SOS2: variants seen among roughly 807,000 people sequenced by gnomAD.
The protein encoded by SOS2 is SOS Ras/Rho guanine nucleotide exchange factor 2, also known as son of sevenless homolog 2.
SOS2 carries 65 observed loss-of-function variants against 148.2 expected under a neutral mutation model. The observed-to-expected ratio is 0.44, with a 90% CI of 0.36 to 0.54. SOS2 has a LOEUF of 0.54. Among genes scored for constraint, SOS2 ranks in the 20% least tolerant of loss-of-function variants. The pLI is 0.00. For synonymous variants in SOS2, 539 were observed against 537.1 expected, an observed-to-expected ratio of 1.00 and a Z score of -0.05; for missense variants, 1,341 against 1,590.2, an observed-to-expected ratio of 0.84 and a Z score of 2.67.
At position 50,201,532 on chromosome 14, in the gene SOS2, G is replaced by GA. The variant is rs11342999; in HGVS notation, c.214-449dup. ...CTGGGTGAGAGGGAGACCCCCAACA[G>GA]AAAAAAAAAAAAAAAAAAAGGTCAA... On this transcript the variant is annotated intron_variant, in intron 2 of 22. Coordinates refer to ENST00000216373, the MANE Select transcript of SOS2 (RefSeq NM_006939.4). Among the ~76,000 whole-genome samples, 162 of 90,548 alleles carry GA rather than the reference G, an allele frequency of 1.8e-3. 2 individuals are homozygous for GA. Among genetic ancestry groups the GA allele is most frequent in the Middle Eastern group, 5.1e-3 (1 of 196 alleles). The allele number at this position is 90,548 out of a possible 152,430, so 59.4% of individuals were successfully genotyped here.
chr14:50,124,344 G>C (rs998769696), intron 21 of SOS2, among the ~76,000 whole-genome samples: 4 of 152,202 alleles, frequency 2.6e-5, no homozygotes, highest in Non-Finnish European at 5.9e-5. Context: ...AGACGAGACA[G>C]TAGGATGAAT....
chr14:50,161,382 A>T, intron 9 of SOS2, 100 bp downstream of exon 9: 1 of 895,898 alleles, frequency 1.1e-6, no homozygotes, highest in Non-Finnish European at 1.7e-6. Context: ...ACAACTTTCA[A>T]TAATGTAACT....
At chr14:50,225,769 A>G (rs1366696529) in intron 1 of SOS2, among the ~76,000 whole-genome samples, 3 of 152,212 alleles carry the variant, frequency 2.0e-5, no homozygotes, top group Non-Finnish European at 4.4e-5. Flanking sequence ...TAATCTTTTC[A>G]AAAAGCAATT....
chr14:50,224,110 C>A (rs1026128955), intron 1 of SOS2, among the ~76,000 whole-genome samples: 3 of 151,394 alleles, frequency 2.0e-5, no homozygotes, highest in African/African-American at 7.3e-5. Flanking sequence ...TGGTGAAACC[C>A]CATTTCTACT....
intron 1 of SOS2, among the ~76,000 whole-genome samples, chr14:50,216,005 T>C (rs991484938): frequency 6.6e-6 from 1 of 152,210 alleles, no homozygotes; most frequent in African/African-American, 2.4e-5. Flanking sequence ...AAATTCTTCA[T>C]TGTGCTGCCA....
chr14:50,175,937 G>A (rs1267863631), intron 7 of SOS2, among the ~76,000 whole-genome samples: 3 of 152,112 alleles, frequency 2.0e-5, no homozygotes, highest in South Asian at 4.1e-4. Flanking sequence ...TACACAAAAA[G>A]TGCCACCAAT....
At chr14:50,176,123 G>T (rs1885515250) in intron 7 of SOS2, among the ~76,000 whole-genome samples, 2 of 152,198 alleles carry the variant, frequency 1.3e-5, no homozygotes. Context: ...CCTTATAAAA[G>T]GGGCCTAAGG....
chr14:50,122,023 AT>A (rs1883530415), intron 21 of SOS2, among the ~76,000 whole-genome samples: 1 of 152,102 alleles, frequency 6.6e-6, no homozygotes, highest in Non-Finnish European at 1.5e-5. Context: ...GCAAGTAGCC[AT>A]TTTTTTAGGG....
At chr14:50,194,571 T>A (rs973023681) in intron 4 of SOS2, among the ~76,000 whole-genome samples, 1 of 148,666 alleles carries the variant, frequency 6.7e-6, no homozygotes, top group Admixed American at 6.8e-5. Context: ...AGGTCAGGAG[T>A]TTGAGACCCA....
intron 4 of SOS2, among the ~76,000 whole-genome samples, chr14:50,197,345 A>G (rs1001150941): frequency 6.6e-6 from 1 of 152,218 alleles, no homozygotes; most frequent in Non-Finnish European, 1.5e-5. Context: ...ATAACTCCTT[A>G]ATCAAGTCAT....
At chr14:50,221,408 C>T (rs976901204) in intron 1 of SOS2, among the ~76,000 whole-genome samples, 4 of 152,198 alleles carry the variant, frequency 2.6e-5, no homozygotes, top group Admixed American at 1.3e-4. Flanking sequence ...TGCCTGCACA[C>T]AGTGAGTAAA....
intron 1 of SOS2, among the ~76,000 whole-genome samples, chr14:50,219,637 A>G (rs1356299995): frequency 6.6e-6 from 1 of 152,192 alleles, no homozygotes; most frequent in Non-Finnish European, 1.5e-5. Context: ...AACTTATCAC[A>G]TTGTTGAAAA....
chr14:50,147,943 A>C (rs914792027), intron 14 of SOS2, among the ~76,000 whole-genome samples: 1 of 152,164 alleles, frequency 6.6e-6, no homozygotes, highest in Admixed American at 6.5e-5. Flanking sequence ...CAACACAGTG[A>C]GACCCTATCT....
At chr14:50,216,587 C>T (rs1448622385) in intron 1 of SOS2, among the ~76,000 whole-genome samples, 2 of 151,532 alleles carry the variant, frequency 1.3e-5, no homozygotes, top group Non-Finnish European at 2.9e-5. Context: ...GGTGAAACCC[C>T]GTCTGTACTA....
chr14:50,166,055 C>T (rs867326087), intron 8 of SOS2, among the ~76,000 whole-genome samples: 4 of 152,248 alleles, frequency 2.6e-5, no homozygotes, highest in Admixed American at 1.3e-4. Flanking sequence ...ATCTGATGAC[C>T]ACTGAGTTGA....
chr14:50,200,048 T>C (rs938888773), intron 3 of SOS2, among the ~76,000 whole-genome samples, 193 bp from the exon 4 acceptor site: 4 of 152,166 alleles, frequency 2.6e-5, no homozygotes, highest in Non-Finnish European at 5.9e-5. Flanking sequence ...TTAAGAGACA[T>C]CTAATCTAAC....
chr14:50,170,097 A>ATT (rs113568518), intron 8 of SOS2, among the ~76,000 whole-genome samples: 17 of 135,418 alleles, frequency 1.3e-4, no homozygotes, highest in East Asian at 8.7e-4. Context: ...AGCTAATCTG[A>ATT]TTTTTTTTTT....
In SOS2 at chr14:50,130,202, A is replaced by G. The variant is rs74744180; in HGVS notation, c.3338-200T>C. Among the ~76,000 whole-genome samples the G allele has an allele frequency of 6.2e-3, 948 of 152,224 alleles. 12 individuals are homozygous for G. The highest frequency in any genetic ancestry group is 0.021 in the African/African-American group (889 of 41,534). On this transcript the variant is annotated intron_variant, in intron 20 of 22. Transcript: ENST00000216373. ...CTTAGCATTAAGTGGTTCCCCCTCT[A>G]TCACAGAACTTATCTATTTGTTTTC...
At chr14:50,179,496 T>G (rs1180313137) in intron 7 of SOS2, among the ~76,000 whole-genome samples, 2 of 151,900 alleles carry the variant, frequency 1.3e-5, no homozygotes, top group East Asian at 3.9e-4. Context: ...GCAATTCTCC[T>G]GGCATGCCAC....
Sources: allele counts gnomAD v4.1 joint callset (sites outside exome capture counted in the v4.1 genomes callset), GRCh38; gene constraint gnomAD v4.1.1; transcripts MANE v1.5; gene names NCBI Gene and HGNC (gene_info 2026-07-23, HGNC 2026-07-21).